The following PGA5 variants were observed in gnomAD, a reference collection of about 807,000 sequenced individuals.
The protein encoded by PGA5 is pepsin A-5.
PGA5 carries 19 observed loss-of-function variants against 15.9 expected under a neutral mutation model. The ratio of observed to expected loss-of-function variants is 1.19; its 90% CI spans 0.83 to 1.75. PGA5 has a LOEUF of 1.75. Ranked by LOEUF, PGA5 falls within the 40% of genes most tolerant of loss-of-function variation. The pLI, the probability that PGA5 is intolerant of heterozygous loss-of-function variation, is 0.00. For missense variants in PGA5, 224 were observed against 246.4 expected (o/e 0.91, Z 0.61); for synonymous variants, 92 against 95.8 (o/e 0.96, Z 0.23).
intron 5 of PGA5, 96 bp from the exon 6 acceptor site, chr11:61,248,323 G>C (rs964656621): frequency 1.9e-6 from 3 of 1,613,784 alleles, no homozygotes; most frequent in Middle Eastern, 1.7e-4. Flanking sequence ...GCCCTGGAAA[G>C]TGCCCAATCA....
At position 61,251,146 on chromosome 11, in the gene PGA5, C is replaced by T. The variant is rs1854135383; in HGVS notation, c.1032C>T (p.Cys344=). The change falls in exon 9 of 9, where the codon TGC becomes TGT. Residue 344 remains cysteine, a synonymous_variant. Coordinates refer to ENST00000312403, the MANE Select transcript of PGA5 (RefSeq NM_014224.5). ...SAYILQSEGS[C]ISGFQGMNVP... ...CTTTTCTCCAGAGCGAGGGGAGCTG[C>T]ATCAGTGGCTTCCAGGGCATGAACG... 4 of 1,611,702 alleles carry T rather than the reference C, an allele frequency of 2.5e-6. No homozygotes were observed. Among genetic ancestry groups the T allele is most frequent in the African/African-American group, 1.3e-5 (1 of 74,656 alleles).
chr11:61,246,658 G>A (rs1479884789), intron 5 of PGA5, among the ~76,000 whole-genome samples: 2 of 151,922 alleles, frequency 1.3e-5, no homozygotes, highest in South Asian at 2.1e-4. Flanking sequence ...AGCTACTCAG[G>A]AGGCTGAGGC....
intron 6 of PGA5, 190 bp from the exon 7 acceptor site, chr11:61,249,479 T>C: frequency 1.8e-6 from 2 of 1,139,754 alleles, no homozygotes; most frequent in South Asian, 3.0e-5. Context: ...TGGCAGAGGG[T>C]AGGCACTTGG....
Position 61,249,656 on chromosome 11 carries a change from T to A in PGA5, c.774-13T>A. The stretch of plus-strand genomic sequence containing the variant: ...TGAGGGCTCAGGGAGCTTAACTTGC[T>A]TCTTACCCTCAGCATCACCATGAAC... On this transcript the variant is annotated splice_polypyrimidine_tract_variant and intron_variant, in intron 6 of 8. Coordinates refer to ENST00000312403, the MANE Select transcript of PGA5 (RefSeq NM_014224.5). The A allele has an allele frequency of 6.2e-7, 1 of 1,613,600 alleles. No homozygotes were observed. Among genetic ancestry groups the A allele is most frequent in the Non-Finnish European group, 8.5e-7 (1 of 1,179,836 alleles).
rs777983022 is a variant in PGA5, at chr11:61,251,336, C to T, written c.*55C>T. The T allele has an allele frequency of 1.1e-5, 18 of 1,611,062 alleles. No individual in the cohort carries two copies. In the Admixed American group the frequency reaches 1.2e-4, roughly 10 times the overall value. ...AGATCTGGCCTCCGTCCTATGCCCACTTTAGATGTATCTAATTCTCCTGAC... is the reference window on the plus strand; with the variant it reads ...AGATCTGGCCTCCGTCCTATGCCCATTTTAGATGTATCTAATTCTCCTGAC... On this transcript the variant is annotated 3_prime_UTR_variant, in exon 9 of 9. Coordinates refer to ENST00000312403, the MANE Select transcript of PGA5 (RefSeq NM_014224.5).
chr11:61,247,493 G>T (rs1003633242), intron 5 of PGA5, among the ~76,000 whole-genome samples: 1 of 151,736 alleles, frequency 6.6e-6, no homozygotes, highest in Non-Finnish European at 1.5e-5. Context: ...TAGCCAGGAT[G>T]GTCTCCATCT....
intron 8 of PGA5, chr11:61,250,852 T>C: frequency 1.5e-6 from 1 of 674,826 alleles, no homozygotes; most frequent in Non-Finnish European, 2.7e-6. Flanking sequence ...AGCAGCTGAA[T>C]TCTACCTAAG....
intron 8 of PGA5, among the ~76,000 whole-genome samples, 186 bp from the exon 9 acceptor site, chr11:61,250,946 G>A (rs925261995): frequency 3.3e-5 from 5 of 151,450 alleles, no homozygotes; most frequent in Admixed American, 6.6e-5. Context: ...GAAACCAGTC[G>A]TGCATTGGAT....
rs573762422 is a variant in PGA5, at chr11:61,251,105, C to T, written c.1018-27C>T. The T allele has an allele frequency of 1.7e-5, 27 of 1,611,826 alleles. No homozygotes were observed. The African/African-American group carries it at 3.1e-4, about 18-fold the overall frequency. On this transcript the variant is annotated intron_variant, in intron 8 of 8. Transcript: ENST00000312403. The stretch of plus-strand genomic sequence containing the variant: ...TATCACGGCTGAATCGGTGTCCCAG[C>T]TCCACTTTTATTCTCCTTTTCTCCA...
At chr11:61,250,582 G>A (rs1000705657) in intron 8 of PGA5, 2 of 457,528 alleles carry the variant, frequency 4.4e-6, no homozygotes, top group South Asian at 1.6e-5. Flanking sequence ...AACTAATTTT[G>A]CCAGTGGACT....
intron 5 of PGA5, among the ~76,000 whole-genome samples, chr11:61,247,929 G>A (rs977698342): frequency 2.0e-5 from 3 of 151,960 alleles, no homozygotes; most frequent in Non-Finnish European, 1.5e-5. Flanking sequence ...CCCATGAGAT[G>A]CCGGCAGCAT....
At chr11:61,248,751 C>G (rs1336342948) in intron 6 of PGA5, among the ~76,000 whole-genome samples, 2 of 152,108 alleles carry the variant, frequency 1.3e-5, no homozygotes, top group African/African-American at 4.8e-5. Flanking sequence ...AGCTGAGACT[C>G]TGCAAGGGTG....
intron 8 of PGA5, chr11:61,250,743 G>C: frequency 2.1e-6 from 1 of 474,744 alleles, no homozygotes; most frequent in South Asian, 1.5e-5. Context: ...CAGTGACTTA[G>C]TGAGGCAAGA....
chr11:61,249,784 A>G lies in PGA5; in HGVS notation c.889A>G (p.Ile297Val). The G allele has an allele frequency of 6.2e-7, 1 of 1,613,666 alleles. No individual in the cohort carries two copies. The highest frequency in any genetic ancestry group is 1.3e-5 in the African/African-American group (1 of 74,776). ...TSPIANIQSD[I>V]GASENSDGDM... ...CCCCATTGCCAACATCCAGAGCGAC[A>G]TCGGAGCCAGCGAGAACTCAGATGG... is the stretch of plus-strand genomic sequence containing the variant. The change falls in exon 7 of 9, where the codon ATC becomes GTC. Residue 297 changes from isoleucine (I) to valine (V), a missense_variant. Physicochemically the swap from Ile to Val is conservative, Grantham distance 29 (BLOSUM62 3). Coordinates refer to ENST00000312403, the MANE Select transcript of PGA5 (RefSeq NM_014224.5).
intron 8 of PGA5, among the ~76,000 whole-genome samples, chr11:61,250,241 G>T (rs1198477672): frequency 6.6e-6 from 1 of 151,276 alleles, no homozygotes; most frequent in African/African-American, 2.5e-5. Context: ...AAGGTTAATG[G>T]AGTGAAAAGA....
intron 8 of PGA5, 99 bp from the exon 9 acceptor site, chr11:61,251,033 G>A: frequency 1.9e-6 from 3 of 1,608,094 alleles, no homozygotes; most frequent in Non-Finnish European, 2.5e-6. Context: ...CCTTGCACGT[G>A]CCTTACAGCT....
At chr11:61,248,866 T>G (rs1815843) in intron 6 of PGA5, among the ~76,000 whole-genome samples, 3 of 152,130 alleles carry the variant, frequency 2.0e-5, no homozygotes, top group African/African-American at 4.8e-5. Flanking sequence ...TTAAGGGGGC[T>G]GTGAACAAGC....
rs1854117730 is a variant in PGA5, at chr11:61,249,967, A to AT, written c.971dup (p.Asn325GlnfsTer41). On this transcript the variant is annotated frameshift_variant, in exon 8 of 9. Coordinates refer to ENST00000312403, the MANE Select transcript of PGA5 (RefSeq NM_014224.5). LOFTEE classifies it low-confidence loss of function (END_TRUNC). ...CAGCCTGCCCGACATCGTCTTCACC[A>AT]TCAATGGAGTCCAGTACCCCGTGCC... 6.2e-7 allele frequency: 1 copy of AT among 1,612,650 alleles called. No individual in the cohort carries two copies. Among genetic ancestry groups the AT allele is most frequent in the African/African-American group, 1.3e-5 (1 of 74,432 alleles).
chr11:61,251,058 T>G, intron 8 of PGA5, 74 bp from the exon 9 acceptor site: 9 of 1,611,058 alleles, frequency 5.6e-6, no homozygotes, highest in African/African-American at 1.3e-5. Flanking sequence ...CAGGGCTCCC[T>G]GGATGTTTAT....
Sources: allele counts gnomAD v4.1 joint callset (sites outside exome capture counted in the v4.1 genomes callset), GRCh38; gene constraint gnomAD v4.1.1; transcripts MANE v1.5; gene names NCBI Gene and HGNC (gene_info 2026-07-23, HGNC 2026-07-21).